Variants in PRTG observed in about 807,000 individuals in gnomAD.
PRTG encodes the protein protogenin.
PRTG carries 67 observed loss-of-function variants against 122.5 expected under a neutral mutation model. The observed-to-expected ratio is 0.55, with a 90% CI of 0.45 to 0.67. PRTG has a LOEUF of 0.67. Ranked by LOEUF, PRTG falls within the 30% of genes least tolerant of loss-of-function variation. The probability of loss-of-function intolerance (pLI) is 0.00; values close to 1 mark genes in which losing one functional copy is unlikely to be tolerated. For synonymous variants in PRTG, 554 were observed against 501.1 expected, an observed-to-expected ratio of 1.11 and a Z score of -1.41; for missense variants, 1,435 against 1,415.4, an observed-to-expected ratio of 1.01 and a Z score of -0.22.
rs771081134 is a variant in PRTG at position 55,673,679 on chromosome 15, A to G, written c.1547-3T>C. 1 of 1,609,398 alleles carries G rather than the reference A, an allele frequency of 6.2e-7. No individual in the cohort carries two copies. The highest frequency in any genetic ancestry group is 8.5e-7 in the Non-Finnish European group (1 of 1,176,156). Reference sequence around the variant, plus strand: ...AATTTCAGGAGGTCTCAGGGGAACTAGTCATAGAAGAAATCAGGTTGTTTA... The same window carrying G: ...AATTTCAGGAGGTCTCAGGGGAACTGGTCATAGAAGAAATCAGGTTGTTTA... On this transcript the variant is annotated splice_region_variant and splice_polypyrimidine_tract_variant and intron_variant, in intron 9 of 19. Transcript: ENST00000389286.
At chr15:55,688,921 C>T (rs921277293) in intron 2 of PRTG, among the ~76,000 whole-genome samples, 1 of 152,214 alleles carries the variant, frequency 6.6e-6, no homozygotes, top group African/African-American at 2.4e-5. Flanking sequence ...TGTATCTCTG[C>T]TTCATCTTTG....
At chr15:55,629,553 T>C (rs772590296) in intron 15 of PRTG, among the ~76,000 whole-genome samples, 2 of 152,026 alleles carry the variant, frequency 1.3e-5, no homozygotes, top group Non-Finnish European at 2.9e-5. Context: ...TCAATAATTA[T>C]ACTCTTATTT....
intron 11 of PRTG, among the ~76,000 whole-genome samples, chr15:55,670,134 A>G (rs1263591510): frequency 6.6e-6 from 1 of 152,170 alleles, no homozygotes; most frequent in African/African-American, 2.4e-5. Context: ...ATAAATACAT[A>G]CATGCGTGTG....
chr15:55,649,938 C>G (rs975766450), intron 11 of PRTG, among the ~76,000 whole-genome samples: 1 of 152,102 alleles, frequency 6.6e-6, no homozygotes, highest in Non-Finnish European at 1.5e-5. Context: ...CATAACCACA[C>G]TACTTGGGTT....
chr15:55,685,789 TAAAG>T (rs763980386), intron 2 of PRTG, among the ~76,000 whole-genome samples: 15 of 152,204 alleles, frequency 9.9e-5, no homozygotes, highest in Non-Finnish European at 1.8e-4. Flanking sequence ...TTTAAGAGTA[TAAAG>T]AGTGAGACTC....
intron 11 of PRTG, among the ~76,000 whole-genome samples, chr15:55,671,749 C>T (rs749911451): frequency 5.3e-5 from 8 of 152,164 alleles, no homozygotes; most frequent in African/African-American, 1.2e-4. Flanking sequence ...GATCCACCCG[C>T]GTTGGCCTCC....
chr15:55,643,137 G>A (rs915297235), intron 11 of PRTG, among the ~76,000 whole-genome samples: 2 of 151,922 alleles, frequency 1.3e-5, no homozygotes, highest in African/African-American at 4.8e-5. Context: ...CTCCAAAGTA[G>A]TATGTTTGTA....
intron 12 of PRTG, among the ~76,000 whole-genome samples, chr15:55,640,296 A>G (rs2059282400): frequency 6.6e-6 from 1 of 152,248 alleles, no homozygotes; most frequent in South Asian, 2.1e-4. Context: ...AGGTTGCTCT[A>G]TGAGATTGTA....
intron 11 of PRTG, among the ~76,000 whole-genome samples, chr15:55,653,318 G>T (rs928189806): frequency 6.6e-6 from 1 of 152,000 alleles, no homozygotes; most frequent in Non-Finnish European, 1.5e-5. Flanking sequence ...CCCCCATAGG[G>T]TCTTAAGACA....
chr15:55,670,380 G>A (rs964791241), intron 11 of PRTG, among the ~76,000 whole-genome samples: 11 of 152,104 alleles, frequency 7.2e-5, no homozygotes, highest in Admixed American at 6.6e-5. Flanking sequence ...TAGTAAGCTT[G>A]ATCTATGATT....
At chr15:55,723,556 A>G (rs2030908226) in intron 2 of PRTG, among the ~76,000 whole-genome samples, 1 of 152,086 alleles carries the variant, frequency 6.6e-6, no homozygotes, top group African/African-American at 2.4e-5. Flanking sequence ...ATTTGATGAA[A>G]GAAATAAATC....
chr15:55,736,384 T>C (rs1595687376), intron 2 of PRTG, among the ~76,000 whole-genome samples: 3 of 113,900 alleles, frequency 2.6e-5, no homozygotes, highest in Admixed American at 2.4e-4. Flanking sequence ...CCCCATCTTT[T>C]TTTTTTTAAC....
chr15:55,682,423 A>G lies in PRTG; in HGVS notation c.617T>C (p.Ile206Thr). Residue 206 changes from isoleucine (I) to threonine (T), a missense_variant, in exon 4 of 20, where the codon ATT becomes ACT. Ile to Thr is a moderately conservative substitution (Grantham distance 89). Coordinates refer to ENST00000389286, the MANE Select transcript of PRTG (RefSeq NM_173814.6). ...ACGTCGGTGGGCTACAGTGGCAGCA[A>G]TACAACGATAATTTCCAGAATCCCT... ...SQRDSGNYRCIAATVAHRRKS... is the reference protein window; with the variant it reads ...SQRDSGNYRCTAATVAHRRKS... The G allele has an allele frequency of 6.2e-7, 1 of 1,606,998 alleles. No individual in the cohort carries two copies. Among genetic ancestry groups the G allele is most frequent in the South Asian group, 1.1e-5 (1 of 90,288 alleles).
chr15:55,659,200 T>C (rs973982391), intron 11 of PRTG, among the ~76,000 whole-genome samples: 1 of 152,166 alleles, frequency 6.6e-6, no homozygotes, highest in African/African-American at 2.4e-5. Context: ...CATCTCAAAA[T>C]GGAATAGGAA....
At chr15:55,732,522 T>G (rs1355948319) in intron 2 of PRTG, among the ~76,000 whole-genome samples, 2 of 147,926 alleles carry the variant, frequency 1.4e-5, no homozygotes, top group Admixed American at 6.9e-5. Flanking sequence ...GAGACGGAGT[T>G]TCGCTCTTGC....
chr15:55,713,772 G>C (rs1031406380), intron 2 of PRTG, among the ~76,000 whole-genome samples: 1 of 151,764 alleles, frequency 6.6e-6, no homozygotes, highest in Admixed American at 6.6e-5. Flanking sequence ...TCATTGATTT[G>C]TATGAGTTCT....
chr15:55,638,586 A>G lies in PRTG; in HGVS notation c.2415T>C (p.Pro805=). Residue 805 remains proline (P), a synonymous_variant, in exon 14 of 20, where the codon CCT becomes CCC. Coordinates refer to ENST00000389286, the MANE Select transcript of PRTG (RefSeq NM_173814.6). ...VRLHVDQLSS[P]WSPVVYHSTL... Reference sequence around the variant, plus strand: ...TAGAATGGTAGACTACAGGGCTCCAAGGACTGGAAAGCTGATCCACATGTA... The same window carrying G: ...TAGAATGGTAGACTACAGGGCTCCAGGGACTGGAAAGCTGATCCACATGTA... The G allele has an allele frequency of 6.2e-7, 1 of 1,613,516 alleles. No homozygotes were observed.
At chr15:55,742,497 C>A (rs2141901787) in intron 1 of PRTG, 1 of 239,504 alleles carries the variant, frequency 4.2e-6, no homozygotes, top group Non-Finnish European at 8.0e-6. Context: ...GTCGCGGAGG[C>A]GCGGACGCGG....
chr15:55,666,856 T>C (rs1247607304), intron 11 of PRTG, among the ~76,000 whole-genome samples: 1 of 152,184 alleles, frequency 6.6e-6, no homozygotes, highest in African/African-American at 2.4e-5. Flanking sequence ...CATTCTAAAA[T>C]CAATACCATT....
Sources: allele counts gnomAD v4.1 joint callset (sites outside exome capture counted in the v4.1 genomes callset), GRCh38; gene constraint gnomAD v4.1.1; transcripts MANE v1.5; gene names NCBI Gene and HGNC (gene_info 2026-07-23, HGNC 2026-07-21).